Variants in REV3L observed in about 807,000 individuals in gnomAD.
REV3L encodes DNA polymerase zeta catalytic subunit.
Under a neutral mutation model 299.4 loss-of-function variants are expected in REV3L, and 69 were observed. That is an observed-to-expected ratio of 0.23 (90% CI 0.19 to 0.28). The LOEUF is 0.28. Ranked by LOEUF, REV3L falls within the 10% of genes least tolerant of loss-of-function variation. The pLI, the probability that REV3L is intolerant of heterozygous loss-of-function variation, is 1.00. For synonymous variants in REV3L, 1,238 were observed against 1,271.4 expected (o/e 0.97, Z 0.56); for missense variants, 3,128 against 3,693.8 (o/e 0.85, Z 3.97).
chr6:111,312,387 T>G (rs191702749), intron 28 of REV3L: 1 of 152,210 alleles, frequency 6.6e-6, no homozygotes, highest in African/African-American at 2.4e-5. Context: ...ATACCATTTA[T>G]TTTTGTTTTG....
At chr6:111,435,091 G>C (rs971621120) in intron 1 of REV3L, among the ~76,000 whole-genome samples, 9 of 152,128 alleles carry the variant, frequency 5.9e-5, no homozygotes, top group African/African-American at 2.2e-4. Context: ...TATAGTCCCA[G>C]CTACTGGGGA....
chr6:111,473,415 A>G (rs1172494900), intron 1 of REV3L, among the ~76,000 whole-genome samples: 1 of 152,084 alleles, frequency 6.6e-6, no homozygotes, highest in Non-Finnish European at 1.5e-5. Context: ...ATGTAATTAT[A>G]GTACCAGAGG....
At chr6:111,467,198 C>G (rs1175096892) in intron 1 of REV3L, among the ~76,000 whole-genome samples, 1 of 152,156 alleles carries the variant, frequency 6.6e-6, no homozygotes, top group Non-Finnish European at 1.5e-5. Context: ...TATAAAATGT[C>G]CAGCCTCGCA....
At chr6:111,368,466 T>C (rs1317839260) in intron 13 of REV3L, among the ~76,000 whole-genome samples, 1 of 152,218 alleles carries the variant, frequency 6.6e-6, no homozygotes, top group Non-Finnish European at 1.5e-5. Context: ...TTCTCCAGTA[T>C]CTGTAGTTTA....
At chr6:111,381,784 A>ATT (rs1780857405) in intron 9 of REV3L, among the ~76,000 whole-genome samples, 1 of 152,198 alleles carries the variant, frequency 6.6e-6, no homozygotes, top group Non-Finnish European at 1.5e-5. Context: ...TGAATACTAA[A>ATT]ATTCTTTATT....
intron 30 of REV3L, chr6:111,309,605 T>C (rs1772731229): frequency 3.0e-6 from 1 of 336,284 alleles, no homozygotes; most frequent in Non-Finnish European, 5.3e-6. Flanking sequence ...TCTTGGAAAA[T>C]GGTAACATTT....
At chr6:111,478,985 T>C (rs926181893) in intron 1 of REV3L, among the ~76,000 whole-genome samples, 1 of 152,222 alleles carries the variant, frequency 6.6e-6, no homozygotes, top group Non-Finnish European at 1.5e-5. Context: ...TTTGAAAGGA[T>C]AGTTCTGTTT....
chr6:111,402,977 T>C (rs1461310955), intron 4 of REV3L, among the ~76,000 whole-genome samples: 5 of 152,214 alleles, frequency 3.3e-5, no homozygotes, highest in African/African-American at 7.2e-5. Flanking sequence ...CACAGCAGCA[T>C]TGTTCATAAT....
At chr6:111,430,745 A>G in intron 1 of REV3L, 1 of 1,570,710 alleles carries the variant, frequency 6.4e-7, no homozygotes, top group Non-Finnish European at 8.8e-7. Flanking sequence ...TAAGTTTAAA[A>G]GCAATAATTT....
chr6:111,450,309 C>T lies in REV3L; in HGVS notation c.139+32441G>A, dbSNP rs183925272. Reference sequence around the variant, plus strand: ...GCCTGGGCAACATTGTGAGACCCTACCTCTACTAAAAATTAAAAAATTAGC... The same window carrying T: ...GCCTGGGCAACATTGTGAGACCCTATCTCTACTAAAAATTAAAAAATTAGC... On this transcript the variant is annotated intron_variant, in intron 1 of 31. Transcript: ENST00000368802. Among the ~76,000 whole-genome samples, 45 of 151,506 alleles carry T rather than the reference C, an allele frequency of 3.0e-4. 1 individual carries two copies. The highest frequency in any genetic ancestry group is 1.1e-3 in the African/African-American group (44 of 41,320).
Position 111,390,163 on chromosome 6 carries a change from C to G in REV3L, c.680G>C (p.Gly227Ala). The change falls in exon 6 of 32, where the codon GGT becomes GCT. Residue 227 changes from glycine (G) to alanine (A), a missense_variant. Gly to Ala is a moderately conservative substitution (Grantham distance 60). Coordinates refer to ENST00000368802, the MANE Select transcript of REV3L (RefSeq NM_001372078.1). ...DEIPSSLILE[G>A]VEPQSTCELE... ...TTCACATGTACTCTGTGGTTCAACA[C>G]CTTCCAATATTAAAGAGCTGCAATT... 6.2e-7 allele frequency: 1 copy of G among 1,600,134 alleles called. No homozygotes were observed. Among genetic ancestry groups the G allele is most frequent in the Non-Finnish European group, 8.6e-7 (1 of 1,167,796 alleles).
intron 13 of REV3L, among the ~76,000 whole-genome samples, chr6:111,371,882 G>C (rs1779836487): frequency 6.6e-6 from 1 of 151,780 alleles, no homozygotes; most frequent in African/African-American, 2.4e-5. Flanking sequence ...TGTAGAGAGA[G>C]AGTCTCACTA....
At chr6:111,343,864 C>A (rs1019537093) in intron 21 of REV3L, 61 bp downstream of exon 21, 2 of 1,158,606 alleles carry the variant, frequency 1.7e-6, no homozygotes, top group Non-Finnish European at 2.5e-6. Context: ...CATTTTATTA[C>A]ATATAAATTA....
chr6:111,412,675 A>T (rs1364372212), intron 2 of REV3L, among the ~76,000 whole-genome samples: 3 of 151,968 alleles, frequency 2.0e-5, no homozygotes, highest in African/African-American at 7.3e-5. Context: ...ACATCAAATA[A>T]AGGACTAATT....
chr6:111,479,190 T>C (rs1160969612), intron 1 of REV3L, among the ~76,000 whole-genome samples: 1 of 152,148 alleles, frequency 6.6e-6, no homozygotes, highest in Non-Finnish European at 1.5e-5. Flanking sequence ...CAAATCTAAA[T>C]GAAAAAACAT....
chr6:111,433,903 A>C (rs1787232707), intron 1 of REV3L, among the ~76,000 whole-genome samples: 1 of 152,250 alleles, frequency 6.6e-6, no homozygotes, highest in South Asian at 2.1e-4. Context: ...CAACATAAGC[A>C]AATCAGTGAA....
intron 1 of REV3L, among the ~76,000 whole-genome samples, chr6:111,449,690 A>G (rs1044663573): frequency 1.3e-5 from 2 of 152,216 alleles, no homozygotes; most frequent in African/African-American, 4.8e-5. Context: ...AAGCATAAAA[A>G]GACTTGAAAG....
intron 30 of REV3L, 189 bp from the exon 31 acceptor site, chr6:111,307,759 G>GC: frequency 1.7e-6 from 1 of 580,166 alleles, no homozygotes; most frequent in East Asian, 2.8e-5. Flanking sequence ...TGAAGTCCTT[G>GC]CCTTCATGGA....
At chr6:111,307,282 C>T (rs1582434646) in intron 31 of REV3L, 79 bp downstream of exon 31, 2 of 1,256,278 alleles carry the variant, frequency 1.6e-6, no homozygotes, top group Non-Finnish European at 2.3e-6. Context: ...TTGTATCTCA[C>T]ACTATAATTC....
Sources: gnomAD v4.1 joint callset for allele counts (sites outside exome capture counted in the v4.1 genomes callset) on GRCh38, gnomAD v4.1.1 for gene constraint, MANE v1.5 for transcripts, NCBI Gene and HGNC (gene_info 2026-07-23, HGNC 2026-07-21) for gene names.